The following GNA15 variants were observed in gnomAD, a reference collection of about 807,000 sequenced individuals.
GNA15 encodes guanine nucleotide-binding protein subunit alpha-15.
In GNA15, 23 loss-of-function variants were observed where a neutral mutation model predicts 40.1. The observed-to-expected ratio is 0.57, with a 90% CI of 0.41 to 0.81. The LOEUF is 0.81. Ranked by LOEUF, GNA15 falls within the 40% of genes least tolerant of loss-of-function variation. The pLI, the probability that GNA15 is intolerant of heterozygous loss-of-function variation, is 0.00. For synonymous variants in GNA15, 226 were observed against 210.4 expected (o/e 1.07, Z -0.64); for missense variants, 522 against 515.8 (o/e 1.01, Z -0.12).
intron 1 of GNA15, among the ~76,000 whole-genome samples, chr19:3,138,797 ATT>A (rs143429911): frequency 7.1e-6 from 1 of 140,966 alleles, no homozygotes; most frequent in Non-Finnish European, 1.5e-5. Context: ...CGCCCAGTTA[ATT>A]TTTTTTTTTT....
Position 3,136,338 on chromosome 19 carries a change from C to A in GNA15, c.-113C>A. The A allele has an allele frequency of 9.1e-7, 1 of 1,097,296 alleles. No homozygotes were observed. Among genetic ancestry groups the A allele is most frequent in the South Asian group, 1.7e-5 (1 of 60,532 alleles). The allele number at this position is 1,097,296 out of a possible 1,614,324, so 68.0% of individuals were successfully genotyped here. On this transcript the variant is annotated 5_prime_UTR_variant, in exon 1 of 7. Transcript: ENST00000262958. This position sits in a 1 kb window ranked among gnomAD's most constrained non-coding sequence, Gnocchi z 4.9. ...TGACCCCCAAGGAAAAGGCAGCCTC[C>A]CTGCGCACCCGGTTGCCCGGAGCCC...
At position 3,151,749 on chromosome 19, in the gene GNA15, C is replaced by A. The variant is rs1174134785; in HGVS notation, c.528C>A (p.Val176=). 5 of 1,610,934 alleles carry A rather than the reference C, an allele frequency of 3.1e-6. No homozygotes were observed. Among genetic ancestry groups the A allele is most frequent in the African/African-American group, 2.7e-5 (2 of 74,842 alleles). ...AGCGCATCACCGAGGAGGGCTACGT[C>A]CCCACAGCTCAGGACGTGCTCCGCA... ...HLERITEEGY[V]PTAQDVLRSR... The change falls in exon 4 of 7, where the codon GTC becomes GTA. Residue 176 remains valine (V), a synonymous_variant. Transcript: ENST00000262958. This position sits in a 1 kb window ranked among gnomAD's most constrained non-coding sequence, Gnocchi z 5.0.
chr19:3,136,325 A>G lies in GNA15; in HGVS notation c.-126A>G, dbSNP rs1914457264. ...GGTCCCTGGGGGGTGACCCCCAAGG[A>G]AAAGGCAGCCTCCCTGCGCACCCGG... is the stretch of plus-strand genomic sequence containing the variant. On this transcript the variant is annotated 5_prime_UTR_variant, in exon 1 of 7. Coordinates refer to ENST00000262958, the MANE Select transcript of GNA15 (RefSeq NM_002068.4). This position sits in a 1 kb window ranked among gnomAD's most constrained non-coding sequence, Gnocchi z 4.9. 5 of 949,838 alleles carry G rather than the reference A, an allele frequency of 5.3e-6. No homozygotes were observed. The highest frequency in any genetic ancestry group is 7.6e-6 in the Non-Finnish European group (5 of 657,022). 58.8% of individuals were successfully genotyped at this position (949,838 alleles called of 1,614,324 possible).
Position 3,162,804 on chromosome 19 carries a change from G to A in GNA15, c.910G>A (p.Asp304Asn). 6.2e-7 allele frequency: 1 copy of A among 1,612,622 alleles called. No homozygotes were observed. Among genetic ancestry groups the A allele is most frequent in the Non-Finnish European group, 8.5e-7 (1 of 1,178,720 alleles). ...YFPSFQGPKQ[D>N]AEAAKRFILD... is the part of the protein sequence containing the mutation. ...CACTGTTTCCCCAGGCCCTAAGCAG[G>A]ATGCTGAGGCAGCCAAGAGGTTCAT... Residue 304 changes from aspartate (D) to asparagine (N), a missense_variant, in exon 7 of 7, where the codon GAT becomes AAT. Coordinates refer to ENST00000262958, the MANE Select transcript of GNA15 (RefSeq NM_002068.4).
At chr19:3,137,435 G>C (rs1914482698) in intron 1 of GNA15, among the ~76,000 whole-genome samples, 1 of 152,128 alleles carries the variant, frequency 6.6e-6, no homozygotes, top group African/African-American at 2.4e-5. Flanking sequence ...ATCACTTGAG[G>C]TCAGGAGTTC....
rs142407646 is a variant in GNA15, at chr19:3,151,023, G to A, written c.486-684G>A. On this transcript the variant is annotated intron_variant, in intron 3 of 6. Coordinates refer to ENST00000262958, the MANE Select transcript of GNA15 (RefSeq NM_002068.4). This position sits in a 1 kb window ranked among gnomAD's most constrained non-coding sequence, Gnocchi z 5.0. ...TTCCTGGGGGGACTGTATTCCTAGA[G>A]TGACCCTGTTCTTGGAGGGACCCTG... 9.9e-5 allele frequency among the ~76,000 whole-genome samples: 15 copies of A among 151,672 alleles called. No individual in the cohort carries two copies. The highest frequency in any genetic ancestry group is 3.4e-4 in the African/African-American group (14 of 41,374).
In GNA15 at chr19:3,162,796, C is replaced by G; in HGVS notation, c.902C>G (p.Pro301Arg). ...LATYFPSFQG[P>R]KQDAEAAKRF... ...CCTTCCCACACTGTTTCCCCAGGCC[C>G]TAAGCAGGATGCTGAGGCAGCCAAG... is the stretch of plus-strand genomic sequence containing the variant. Residue 301 changes from proline (P) to arginine (R), a missense_variant, in exon 7 of 7, where the codon CCT (proline) becomes CGT (arginine). Coordinates refer to ENST00000262958, the MANE Select transcript of GNA15 (RefSeq NM_002068.4). 6.2e-7 allele frequency: 1 copy of G among 1,612,312 alleles called. No homozygotes were observed. Among genetic ancestry groups the G allele is most frequent in the Non-Finnish European group, 8.5e-7 (1 of 1,178,436 alleles).
At chr19:3,148,820 A>G in intron 2 of GNA15, 45 bp downstream of exon 2, 1 of 1,527,274 alleles carries the variant, frequency 6.5e-7, no homozygotes, top group Non-Finnish European at 8.8e-7. Flanking sequence ...GCAGGGGCCC[A>G]GGGCAGGGTT....
intron 6 of GNA15, among the ~76,000 whole-genome samples, chr19:3,162,540 G>A (rs1637655): frequency 0.78 from 118,377 of 152,212 alleles, 46,282 homozygotes; most frequent in African/African-American, 0.85. Flanking sequence ...AGTTCTGCCC[G>A]AAGTCCCAGA....
chr19:3,158,860 T>C (rs1246948103), intron 6 of GNA15, among the ~76,000 whole-genome samples: 1 of 151,908 alleles, frequency 6.6e-6, no homozygotes, highest in African/African-American at 2.4e-5. Context: ...GGTCTCGAAC[T>C]GACCTCAAGT....
intron 1 of GNA15, among the ~76,000 whole-genome samples, chr19:3,147,480 G>A (rs1000650127): frequency 3.3e-5 from 5 of 151,508 alleles, no homozygotes; most frequent in Admixed American, 6.6e-5. Flanking sequence ...TTGAACCTGG[G>A]AGCCAGAGGT....
At chr19:3,138,570 T>A (rs73527865) in intron 1 of GNA15, among the ~76,000 whole-genome samples, 42,608 of 152,128 alleles carry the variant, frequency 0.28, 6,136 homozygotes, top group Non-Finnish European at 0.32. Flanking sequence ...AGTGGGATGG[T>A]GGGGACCCCC....
At position 3,163,024 on chromosome 19, in the gene GNA15, G is replaced by A. The variant is rs781551715; in HGVS notation, c.*5G>A. The A allele has an allele frequency of 1.2e-5, 19 of 1,603,332 alleles. No homozygotes were observed. The highest frequency in any genetic ancestry group is 1.6e-5 in the Non-Finnish European group (19 of 1,170,612). On this transcript the variant is annotated 3_prime_UTR_variant, in exon 7 of 7. Coordinates refer to ENST00000262958, the MANE Select transcript of GNA15 (RefSeq NM_002068.4). The stretch of plus-strand genomic sequence containing the variant: ...GACGAGATCAACCTGCTGTGACCCA[G>A]GCCCCACCTGGGGCAGGCGGCACCG...
intron 6 of GNA15, among the ~76,000 whole-genome samples, chr19:3,160,459 A>G (rs748834758): frequency 5.3e-5 from 8 of 152,182 alleles, no homozygotes; most frequent in Admixed American, 5.2e-4. Context: ...GCTGCTTCTC[A>G]TGATAGCCTC....
intron 5 of GNA15, among the ~76,000 whole-genome samples, chr19:3,156,285 C>A (rs1167753133): frequency 6.6e-6 from 1 of 151,910 alleles, no homozygotes; most frequent in African/African-American, 2.4e-5. Flanking sequence ...TACACACGTG[C>A]ACACACGGGA....
chr19:3,156,443 T>TGAAC (rs1915027200), intron 5 of GNA15, among the ~76,000 whole-genome samples: 1 of 143,312 alleles, frequency 7.0e-6, no homozygotes, highest in South Asian at 2.2e-4. Flanking sequence ...ACACACACAG[T>TGAAC]ACACACATGC....
chr19:3,136,268 G>T lies in GNA15; in HGVS notation c.-183G>T, dbSNP rs1914455970. 1 of 605,352 alleles carries T rather than the reference G, an allele frequency of 1.7e-6. No individual in the cohort carries two copies. The highest frequency in any genetic ancestry group is 2.8e-6 in the Non-Finnish European group (1 of 352,656). 37.5% of individuals were successfully genotyped at this position (605,352 alleles called of 1,614,324 possible). ...CTCAAGCCTTGCCACCGCCGAGCCG[G>T]GCTTCCTGGGTGTTTCAGGCAAGGA... is the stretch of plus-strand genomic sequence containing the variant. On this transcript the variant is annotated 5_prime_UTR_variant, in exon 1 of 7. Coordinates refer to ENST00000262958, the MANE Select transcript of GNA15 (RefSeq NM_002068.4). This position sits in a 1 kb window ranked among gnomAD's most constrained non-coding sequence, Gnocchi z 4.9.
At chr19:3,139,802 G>A (rs1300724355) in intron 1 of GNA15, among the ~76,000 whole-genome samples, 3 of 151,964 alleles carry the variant, frequency 2.0e-5, no homozygotes, top group Non-Finnish European at 2.9e-5. Context: ...TTGGGGGGCC[G>A]AGGAGGGTGG....
chr19:3,151,807 T>G lies in GNA15; in HGVS notation c.586T>G (p.Cys196Gly). 1 of 1,612,168 alleles carries G rather than the reference T, an allele frequency of 6.2e-7. No homozygotes were observed. Among genetic ancestry groups the G allele is most frequent in the Non-Finnish European group, 8.5e-7 (1 of 1,179,406 alleles). Residue 196 changes from cysteine (C) to glycine (G), a missense_variant, in exon 4 of 7, where the codon TGC (cysteine) becomes GGC (glycine). Physicochemically the swap from Cys to Gly is radical, Grantham distance 159 (BLOSUM62 -3). Coordinates refer to ENST00000262958, the MANE Select transcript of GNA15 (RefSeq NM_002068.4). This position sits in a 1 kb window ranked among gnomAD's most constrained non-coding sequence, Gnocchi z 5.0. ...RMPTTGINEY[C>G]FSVQKTNLRI... The stretch of plus-strand genomic sequence containing the variant: ...GCCCACCACTGGCATCAACGAGTAC[T>G]GCTTCTCCGTGCAGAAAACCAACCT...
Sources: gnomAD v4.1 joint callset for allele counts (sites outside exome capture counted in the v4.1 genomes callset) on GRCh38, gnomAD v4.1.1 for gene constraint, Gnocchi (gnomAD v3.1) non-coding constraint, MANE v1.5 for transcripts, NCBI Gene and HGNC (gene_info 2026-07-23, HGNC 2026-07-21) for gene names.